Variants in PDSS2 observed in about 807,000 individuals in gnomAD.
PDSS2 encodes the protein decaprenyl diphosphate synthase subunit 2, also known as all trans-polyprenyl-diphosphate synthase PDSS2.
A neutral mutation model predicts 44.5 loss-of-function variants in PDSS2; 31 were observed. The ratio of observed to expected loss-of-function variants is 0.70; its 90% CI spans 0.52 to 0.94. The LOEUF is 0.94. Among genes scored for constraint, PDSS2 ranks in the 40% least tolerant of loss-of-function variants. The pLI is 0.00. For missense variants in PDSS2, 452 were observed against 482.2 expected, an observed-to-expected ratio of 0.94 and a Z score of 0.59; for synonymous variants, 157 against 180.3, an observed-to-expected ratio of 0.87 and a Z score of 1.03.
intron 6 of PDSS2, among the ~76,000 whole-genome samples, chr6:107,206,095 AGAATCTCAGT>A (rs1482330424): frequency 6.6e-6 from 1 of 152,206 alleles, no homozygotes; most frequent in Non-Finnish European, 1.5e-5. Context: ...TGCGGGGGAC[AGAATCTCAGT>A]CTGTCACCCA....
intron 6 of PDSS2, among the ~76,000 whole-genome samples, chr6:107,209,668 T>C (rs1424447399): frequency 1.3e-5 from 2 of 151,686 alleles, no homozygotes; most frequent in Non-Finnish European, 2.9e-5. Flanking sequence ...TCCTCCTGCC[T>C]TGGCATCTCA....
At chr6:107,355,517 A>G (rs1418429835) in intron 1 of PDSS2, among the ~76,000 whole-genome samples, 1 of 152,230 alleles carries the variant, frequency 6.6e-6, no homozygotes, top group Non-Finnish European at 1.5e-5. Flanking sequence ...CTACCATAAT[A>G]CAATTTTTGA....
At chr6:107,227,278 CTTTTTTTTTTTTTTTTT>C (rs60988844) in intron 4 of PDSS2, among the ~76,000 whole-genome samples, 3,133 of 102,812 alleles carry the variant, frequency 0.03, 333 homozygotes, top group East Asian at 0.27. Flanking sequence ...CCACTGTGCC[CTTTTTTTTTTTTTTTTT>C]TTTTTTTTTT....
intron 7 of PDSS2, among the ~76,000 whole-genome samples, chr6:107,180,262 A>ACC (rs1263482471): frequency 6.6e-6 from 1 of 152,140 alleles, no homozygotes; most frequent in African/African-American, 2.4e-5. Context: ...CAATAATTGA[A>ACC]TCCAGCTATC....
At chr6:107,437,006 CTTTCT>C (rs1003931367) in intron 1 of PDSS2, among the ~76,000 whole-genome samples, 3 of 149,100 alleles carry the variant, frequency 2.0e-5, no homozygotes, top group African/African-American at 7.4e-5. Context: ...TTTTTTTTTT[CTTTCT>C]TTTGAGACAC....
chr6:107,197,502 A>AG, intron 6 of PDSS2, among the ~76,000 whole-genome samples: 1 of 144,308 alleles, frequency 6.9e-6, no homozygotes, highest in African/African-American at 2.5e-5. Context: ...AAAAAAAAAA[A>AG]GAAGTGTCAA....
intron 1 of PDSS2, among the ~76,000 whole-genome samples, chr6:107,391,932 A>G (rs1053987222): frequency 6.6e-6 from 1 of 152,068 alleles, no homozygotes; most frequent in Non-Finnish European, 1.5e-5. Flanking sequence ...CCTCCTACCC[A>G]GAATTTAACC....
chr6:107,300,649 A>G (rs1319384938), intron 2 of PDSS2, among the ~76,000 whole-genome samples: 3 of 152,240 alleles, frequency 2.0e-5, no homozygotes. Flanking sequence ...TGATCGGGAT[A>G]TAAACCTAGG....
intron 3 of PDSS2, among the ~76,000 whole-genome samples, chr6:107,270,238 A>G (rs1038591330): frequency 3.3e-5 from 5 of 151,974 alleles, no homozygotes; most frequent in South Asian, 4.2e-4. Context: ...CCTCCCAAGT[A>G]GCTGGGATTA....
chr6:107,424,654 GC>G (rs139595880), intron 1 of PDSS2, among the ~76,000 whole-genome samples: 1 of 152,018 alleles, frequency 6.6e-6, no homozygotes, highest in Non-Finnish European at 1.5e-5. Context: ...TCTTCCTGCA[GC>G]AAAAATTATT....
At chr6:107,226,712 C>A (rs1272356278) in intron 4 of PDSS2, among the ~76,000 whole-genome samples, 1 of 150,692 alleles carries the variant, frequency 6.6e-6, no homozygotes, top group Non-Finnish European at 1.5e-5. Context: ...TTCTGTCGCC[C>A]AGGCTGGAAT....
chr6:107,175,873 C>A (rs1208875028), intron 7 of PDSS2, among the ~76,000 whole-genome samples: 1 of 152,136 alleles, frequency 6.6e-6, no homozygotes, highest in Non-Finnish European at 1.5e-5. Flanking sequence ...TCATCCGCCA[C>A]TGAGTCACAA....
chr6:107,241,605 C>T (rs1201748696), intron 4 of PDSS2, among the ~76,000 whole-genome samples: 2 of 152,134 alleles, frequency 1.3e-5, no homozygotes, highest in African/African-American at 4.8e-5. Context: ...CTCAACCTCC[C>T]GAAGTGCTGG....
At chr6:107,448,827 C>T (rs941231945) in intron 1 of PDSS2, among the ~76,000 whole-genome samples, 4 of 152,260 alleles carry the variant, frequency 2.6e-5, no homozygotes, top group Admixed American at 1.3e-4. Context: ...CACATCTTGG[C>T]AGAAGGTGCC....
chr6:107,298,437 G>A (rs1010237470), intron 2 of PDSS2, among the ~76,000 whole-genome samples: 13 of 152,216 alleles, frequency 8.5e-5, no homozygotes, highest in African/African-American at 3.1e-4. Context: ...ACAAGAGGAT[G>A]CACAGTGGTT....
intron 7 of PDSS2, among the ~76,000 whole-genome samples, chr6:107,162,193 GA>G (rs1490765538): frequency 6.6e-6 from 1 of 152,020 alleles, no homozygotes; most frequent in African/African-American, 2.4e-5. Flanking sequence ...AAGCTAACTA[GA>G]AAAACTAATT....
chr6:107,229,359 G>C (rs923715661), intron 4 of PDSS2, among the ~76,000 whole-genome samples: 1 of 151,940 alleles, frequency 6.6e-6, no homozygotes, highest in Non-Finnish European at 1.5e-5. Flanking sequence ...GCTAATTTTT[G>C]TGTTTTTAGT....
intron 7 of PDSS2, among the ~76,000 whole-genome samples, chr6:107,188,212 T>C (rs1487162684): frequency 6.6e-6 from 1 of 152,042 alleles, no homozygotes; most frequent in African/African-American, 2.4e-5. Flanking sequence ...ACCCCATCTC[T>C]ACAAAAAATA....
chr6:107,367,011 A>T (rs1778978337), intron 1 of PDSS2, among the ~76,000 whole-genome samples: 2 of 152,162 alleles, frequency 1.3e-5, no homozygotes, highest in Admixed American at 6.5e-5. Flanking sequence ...CACCAAAGCC[A>T]GACAAAGACA....
Sources: gnomAD v4.1 joint callset for allele counts (sites outside exome capture counted in the v4.1 genomes callset) on GRCh38, gnomAD v4.1.1 for gene constraint, MANE v1.5 for transcripts, NCBI Gene and HGNC (gene_info 2026-07-23, HGNC 2026-07-21) for gene names.